Variants in SPTY2D1 observed in about 807,000 individuals in gnomAD.
SPTY2D1 encodes protein SPT2 homolog.
A neutral mutation model predicts 64.0 loss-of-function variants in SPTY2D1; 21 were observed. The ratio of observed to expected loss-of-function variants is 0.33; its 90% CI spans 0.23 to 0.47. SPTY2D1 has a LOEUF of 0.47. SPTY2D1 is among the 20% of genes least tolerant of loss of function. The probability of loss-of-function intolerance (pLI) is 1.00; values close to 1 mark genes in which losing one functional copy is unlikely to be tolerated. For synonymous variants in SPTY2D1, 287 were observed against 286.8 expected (o/e 1.00, Z -0.01); for missense variants, 724 against 837.2 (o/e 0.86, Z 1.67).
Position 18,609,878 on chromosome 11 carries a change from T to A in SPTY2D1, c.2041A>T (p.Lys681Ter). The change falls in exon 6 of 6, where the codon AAG (lysine) becomes TAG (stop). Residue 681 changes from lysine to a stop codon, truncating the protein, a stop_gained. Transcript: ENST00000336349. LOFTEE classifies it high-confidence loss of function. The part of the protein sequence containing the change: ...EEEMQRRRAK[K>*]LKRR Reference sequence around the variant, plus strand: ...AGCAGCAGCTAACGCCTCTTCAGCTTCTTGGCCCTTCGACGTTGCATTTCT... The same window carrying A: ...AGCAGCAGCTAACGCCTCTTCAGCTACTTGGCCCTTCGACGTTGCATTTCT... 1 of 1,614,214 alleles carries A rather than the reference T, an allele frequency of 6.2e-7. No individual in the cohort carries two copies. The highest frequency in any genetic ancestry group is 8.5e-7 in the Non-Finnish European group (1 of 1,180,034).
chr11:18,625,459 G>A (rs1345869735), intron 1 of SPTY2D1, among the ~76,000 whole-genome samples: 1 of 152,102 alleles, frequency 6.6e-6, no homozygotes, highest in Non-Finnish European at 1.5e-5. Context: ...GAACACCTGT[G>A]TATTTACTGG....
rs567153497 is a variant in SPTY2D1 at position 18,615,682 on chromosome 11, T to A, written c.592A>T (p.Thr198Ser). 3 of 1,614,192 alleles carry A rather than the reference T, an allele frequency of 1.9e-6. No individual in the cohort carries two copies. The African/African-American group carries it at 4.0e-5, about 22-fold the overall frequency. ...TCTCGCTCCCTAAGTTCTTCTGCGG[T>A]CATAGGTCGCTCTTCTGATTTCTTC... The part of the protein sequence containing the change: ...VVKKSEERPM[T>S]AEELREREFL... The change falls in exon 3 of 6, where the codon ACC becomes TCC. Residue 198 changes from threonine to serine, a missense_variant. Coordinates refer to ENST00000336349, the MANE Select transcript of SPTY2D1 (RefSeq NM_194285.3).
At chr11:18,618,368 C>G (rs1051056109) in intron 1 of SPTY2D1, among the ~76,000 whole-genome samples, 6 of 152,180 alleles carry the variant, frequency 3.9e-5, no homozygotes, top group African/African-American at 1.2e-4. Flanking sequence ...CAGATGAAGT[C>G]TCTGGACCTC....
chr11:18,632,589 T>C (rs1353259463), intron 1 of SPTY2D1, among the ~76,000 whole-genome samples: 2 of 152,194 alleles, frequency 1.3e-5, no homozygotes, highest in Admixed American at 6.5e-5. Flanking sequence ...CTTCAGGTGA[T>C]TCTCCCGCCT....
chr11:18,625,576 T>C (rs917750363), intron 1 of SPTY2D1, among the ~76,000 whole-genome samples: 3 of 151,628 alleles, frequency 2.0e-5, no homozygotes, highest in African/African-American at 4.9e-5. Flanking sequence ...TAGAAATACA[T>C]AGGGTCTTGC....
chr11:18,617,492 G>A (rs1242824945), intron 1 of SPTY2D1, among the ~76,000 whole-genome samples: 1 of 151,694 alleles, frequency 6.6e-6, no homozygotes, highest in African/African-American at 2.4e-5. Flanking sequence ...TGGGCGTAGT[G>A]GCGGGTGCCT....
At chr11:18,634,130 A>T in intron 1 of SPTY2D1, 68 bp downstream of exon 1, 3 of 1,571,908 alleles carry the variant, frequency 1.9e-6, no homozygotes, top group Non-Finnish European at 2.6e-6. Flanking sequence ...CAGAAGTTCC[A>T]TGGGCCACAC....
Position 18,617,479 on chromosome 11 carries a change from A to G in SPTY2D1, c.61-490T>C, listed in dbSNP as rs1477029396. ...ATTCCTACTAAAAACACAAAAAATT[A>G]GCTGGGCGTAGTGGCGGGTGCCTGT... is the stretch of plus-strand genomic sequence containing the variant. On this transcript the variant is annotated intron_variant, in intron 1 of 5. Coordinates refer to ENST00000336349, the MANE Select transcript of SPTY2D1 (RefSeq NM_194285.3). Among the ~76,000 whole-genome samples the G allele has an allele frequency of 2.0e-5, 3 of 151,888 alleles. No individual in the cohort carries two copies. The South Asian group carries it at 6.2e-4, about 32-fold the overall frequency.
chr11:18,630,419 G>C (rs950453663), intron 1 of SPTY2D1, among the ~76,000 whole-genome samples: 1 of 152,164 alleles, frequency 6.6e-6, no homozygotes, highest in Non-Finnish European at 1.5e-5. Context: ...AGGCTGCAGT[G>C]AGCAGAGATA....
Position 18,616,931 on chromosome 11 carries a change from T to C in SPTY2D1, c.119A>G (p.Gln40Arg). 1 of 1,614,208 alleles carries C rather than the reference T, an allele frequency of 6.2e-7. No individual in the cohort carries two copies. The highest frequency in any genetic ancestry group is 8.5e-7 in the Non-Finnish European group (1 of 1,180,044). ...AAGAAAAGCTTGTACAGCTGCTGAT[T>C]GGACACCTTTAACTTTTGGGTCTTT... is the stretch of plus-strand genomic sequence containing the variant. ...PKKDPKVKGVQSAAVQAFLKR... is the reference protein window; with the variant it reads ...PKKDPKVKGVRSAAVQAFLKR... The change falls in exon 2 of 6, where the codon CAA becomes CGA. Residue 40 changes from glutamine (Q) to arginine (R), a missense_variant. Around this residue, in one of 3 missense-constraint regions of SPTY2D1, gnomAD observed 179 missense variants for 232.5 expected, o/e 0.77. Coordinates refer to ENST00000336349, the MANE Select transcript of SPTY2D1 (RefSeq NM_194285.3).
chr11:18,617,944 T>C (rs551614172), intron 1 of SPTY2D1, among the ~76,000 whole-genome samples: 1 of 152,138 alleles, frequency 6.6e-6, no homozygotes, highest in South Asian at 2.1e-4. Flanking sequence ...TCCGTCTCAA[T>C]CCATCAATCT....
chr11:18,625,766 G>T (rs1180459848), intron 1 of SPTY2D1, among the ~76,000 whole-genome samples: 1 of 143,018 alleles, frequency 7.0e-6, no homozygotes, highest in African/African-American at 2.6e-5. Flanking sequence ...TGGGGGGGGG[G>T]TCTCACTTTG....
chr11:18,634,192 A>T lies in SPTY2D1; in HGVS notation c.60+6T>A. ...CCCCTACATTGATGCCCCAGCTGCT[A>T]CTTACCGGCACATTGTTGACACCTT... is the stretch of plus-strand genomic sequence containing the variant. On this transcript the variant is annotated splice_donor_region_variant and intron_variant, in intron 1 of 5. Coordinates refer to ENST00000336349, the MANE Select transcript of SPTY2D1 (RefSeq NM_194285.3). 1 of 1,614,150 alleles carries T rather than the reference A, an allele frequency of 6.2e-7. No individual in the cohort carries two copies. Among genetic ancestry groups the T allele is most frequent in the Non-Finnish European group, 8.5e-7 (1 of 1,180,012 alleles).
intron 1 of SPTY2D1, among the ~76,000 whole-genome samples, chr11:18,617,311 G>A (rs1854314459): frequency 2.6e-5 from 4 of 152,106 alleles, no homozygotes; most frequent in Admixed American, 2.0e-4. Context: ...CCACTTAGAA[G>A]AATCGATTAT....
intron 1 of SPTY2D1, among the ~76,000 whole-genome samples, chr11:18,632,737 T>G (rs1854608948): frequency 6.6e-6 from 1 of 152,264 alleles, no homozygotes; most frequent in South Asian, 2.1e-4. Context: ...ATACACATAT[T>G]TTGAAATTTT....
chr11:18,623,544 TATA>T (rs1445923076), intron 1 of SPTY2D1, among the ~76,000 whole-genome samples: 2 of 152,248 alleles, frequency 1.3e-5, no homozygotes, highest in Non-Finnish European at 2.9e-5. Flanking sequence ...ATTTTGTAGA[TATA>T]ATATCTACAA....
At chr11:18,620,101 C>T (rs973807878) in intron 1 of SPTY2D1, among the ~76,000 whole-genome samples, 13 of 152,172 alleles carry the variant, frequency 8.5e-5, no homozygotes, top group Non-Finnish European at 1.3e-4. Flanking sequence ...GTTCAGTAAG[C>T]TTCAGTCATT....
rs749489129 is a variant in SPTY2D1, at chr11:18,612,769, C to CT, written c.1712-282dup. Among the ~76,000 whole-genome samples the CT allele has an allele frequency of 9.7e-3, 1,385 of 142,984 alleles. 10 individuals carry two copies. The highest frequency in any genetic ancestry group is 0.013 in the Non-Finnish European group (871 of 64,880). The allele number at this position is 142,984 out of a possible 152,430, so 93.8% of individuals were successfully genotyped here. A position where few individuals can be genotyped will look rare whatever the true frequency, so the allele number is the denominator to read the frequency against. Reference sequence around the variant, plus strand: ...TAAGATCAGTAAAATTTCTTTCTTTCTTTTTTTTTTTTTTGAGACAGAGTT... The same window carrying CT: ...TAAGATCAGTAAAATTTCTTTCTTTCTTTTTTTTTTTTTTTGAGACAGAGTT... On this transcript the variant is annotated intron_variant, in intron 3 of 5. Transcript: ENST00000336349. The surrounding 1 kb of genome is among the most constrained non-coding windows in gnomAD (Gnocchi z 4.6).
chr11:18,624,674 C>T (rs1854467639), intron 1 of SPTY2D1, among the ~76,000 whole-genome samples: 1 of 152,192 alleles, frequency 6.6e-6, no homozygotes, highest in African/African-American at 2.4e-5. Flanking sequence ...AACATGTGTA[C>T]ACCGACTACT....
Sources: allele counts gnomAD v4.1 joint callset (sites outside exome capture counted in the v4.1 genomes callset), GRCh38; gene constraint gnomAD v4.1.1; regional missense constraint gnomAD v4.1.1; non-coding constraint Gnocchi (gnomAD v3.1); transcripts MANE v1.5; gene names NCBI Gene and HGNC (gene_info 2026-07-23, HGNC 2026-07-21).